CAMTA1: variants seen among roughly 807,000 people sequenced by gnomAD.
The protein encoded by CAMTA1 is calmodulin-binding transcription activator 1.
In CAMTA1, 27 loss-of-function variants were observed where a neutral mutation model predicts 170.9. The ratio of observed to expected loss-of-function variants is 0.16; its 90% CI spans 0.12 to 0.22. The LOEUF (loss-of-function observed/expected upper bound fraction) is 0.22. Among genes scored for constraint, CAMTA1 ranks in the 10% least tolerant of loss-of-function variants. CAMTA1 has a pLI of 1.00. For missense variants in CAMTA1, 1,619 were observed against 2,217.2 expected (o/e 0.73, Z 5.42); for synonymous variants, 833 against 891.5 (o/e 0.93, Z 1.17).
At chr1:6,869,700 G>A (rs6688732) in intron 3 of CAMTA1, among the ~76,000 whole-genome samples, 46,673 of 151,976 alleles carry the variant, frequency 0.31, 7,428 homozygotes, top group Admixed American at 0.4. Flanking sequence ...CTAAAATGTT[G>A]TTATTGGCAC....
chr1:7,438,880 C>T (rs2092431396), intron 5 of CAMTA1, among the ~76,000 whole-genome samples: 1 of 152,190 alleles, frequency 6.6e-6, no homozygotes, highest in Non-Finnish European at 1.5e-5. Flanking sequence ...TCTGTAAAAC[C>T]CAGTGTCCAC....
At chr1:7,101,390 T>C (rs1490863326) in intron 4 of CAMTA1, among the ~76,000 whole-genome samples, 1 of 152,222 alleles carries the variant, frequency 6.6e-6, no homozygotes, top group African/African-American at 2.4e-5. Context: ...TTGCAATTCA[T>C]AAGTTTCTGT....
intron 5 of CAMTA1, among the ~76,000 whole-genome samples, chr1:7,337,595 A>AGCCTCATCCAATCACAATGTGGGC (rs1301738490): frequency 8.1e-6 from 1 of 123,468 alleles, no homozygotes; most frequent in African/African-American, 3.6e-5. Context: ...CAGTGTGGGC[A>AGCCTCATCCAATCACAATGTGGGC]GTGGGCCTCA....
chr1:6,844,690 CAAAA>C (rs1180942073), intron 3 of CAMTA1, among the ~76,000 whole-genome samples: 2 of 52,060 alleles, frequency 3.8e-5, no homozygotes, highest in African/African-American at 8.2e-5. Context: ...ACCCTGTGTC[CAAAA>C]AAAAAAAAAA....
chr1:6,940,963 A>AC, intron 3 of CAMTA1, among the ~76,000 whole-genome samples: 2 of 390 alleles, frequency 5.1e-3, no homozygotes, highest in Admixed American at 0.026. Flanking sequence ...GGATCCTTGC[A>AC]AGGTGGGGGG....
intron 6 of CAMTA1, among the ~76,000 whole-genome samples, chr1:7,578,862 A>G (rs916636893): frequency 6.6e-6 from 1 of 152,164 alleles, no homozygotes; most frequent in Admixed American, 6.5e-5. Flanking sequence ...GTCACTTCCT[A>G]TTAAGTCCCC....
intron 11 of CAMTA1, among the ~76,000 whole-genome samples, chr1:7,728,107 T>G (rs1341218259): frequency 1.3e-5 from 2 of 152,266 alleles, no homozygotes; most frequent in Non-Finnish European, 2.9e-5. Flanking sequence ...TCAGAGCAGC[T>G]TAATATCATG....
chr1:7,619,288 A>T (rs1232936056), intron 6 of CAMTA1, among the ~76,000 whole-genome samples: 1 of 152,224 alleles, frequency 6.6e-6, no homozygotes, highest in African/African-American at 2.4e-5. Context: ...CTACGCGGAA[A>T]GCCAGAGAGA....
chr1:7,370,914 C>CT (rs61387662), intron 5 of CAMTA1, among the ~76,000 whole-genome samples: 2,026 of 109,934 alleles, frequency 0.018, 136 homozygotes, highest in African/African-American at 0.067. Flanking sequence ...TTCTTTCTTT[C>CT]TTTTTTTTTT....
At chr1:7,498,722 T>C (rs1216889657) in intron 6 of CAMTA1, among the ~76,000 whole-genome samples, 1 of 146,100 alleles carries the variant, frequency 6.8e-6, no homozygotes, top group Non-Finnish European at 1.5e-5. Context: ...TGGGTGTACA[T>C]GAGTGCATGT....
chr1:6,944,044 C>T (rs368721437), intron 3 of CAMTA1, among the ~76,000 whole-genome samples: 12 of 152,022 alleles, frequency 7.9e-5, no homozygotes, highest in African/African-American at 2.4e-4. Flanking sequence ...TCCCCCCAGC[C>T]GCTGGCACCC....
At chr1:7,077,867 T>G (rs547023573) in intron 3 of CAMTA1, among the ~76,000 whole-genome samples, 1 of 152,168 alleles carries the variant, frequency 6.6e-6, no homozygotes, top group African/African-American at 2.4e-5. Flanking sequence ...CTTTTCTGAC[T>G]TCTTTGAATG....
chr1:6,947,121 T>C (rs1056869716), intron 3 of CAMTA1, among the ~76,000 whole-genome samples: 4 of 152,218 alleles, frequency 2.6e-5, no homozygotes, highest in Non-Finnish European at 5.9e-5. Context: ...CAATTGGCCA[T>C]AAGTGTGAGG....
intron 5 of CAMTA1, among the ~76,000 whole-genome samples, chr1:7,271,580 A>ATAGG (rs2149404812): frequency 8.3e-6 from 1 of 119,782 alleles, no homozygotes; most frequent in Admixed American, 7.5e-5. Flanking sequence ...AGATAGATAG[A>ATAGG]TAGATAGATA....
chr1:7,040,077 G>C (rs1704191562), intron 3 of CAMTA1, among the ~76,000 whole-genome samples: 1 of 151,588 alleles, frequency 6.6e-6, no homozygotes, highest in South Asian at 2.1e-4. Context: ...TTTTACAATT[G>C]CAAAGTGGCG....
rs79085141 is a variant in CAMTA1 at position 7,491,969 on chromosome 1, A to G, written c.510+24068A>G. Among the ~76,000 whole-genome samples the G allele has an allele frequency of 7.9e-3, 1,206 of 152,270 alleles. 19 individuals are homozygous for G. Among genetic ancestry groups the G allele is most frequent in the African/African-American group, 0.027 (1,103 of 41,552 alleles). ...TGGCCAGCTCACCCTGGAAGTCTTG[A>G]TTGCCACATTGTGGATGTCAGAATG... is the stretch of plus-strand genomic sequence containing the variant. On this transcript the variant is annotated intron_variant, in intron 6 of 22. Coordinates refer to ENST00000303635, the MANE Select transcript of CAMTA1 (RefSeq NM_015215.4).
chr1:6,801,892 A>G (rs1643891079), intron 1 of CAMTA1, among the ~76,000 whole-genome samples: 1 of 152,042 alleles, frequency 6.6e-6, no homozygotes, highest in African/African-American at 2.4e-5. Flanking sequence ...AGATTTTAAT[A>G]TTTGCAATAT....
In CAMTA1 at chr1:7,748,966, A is replaced by G. The variant is rs138854737; in HGVS notation, c.4689+1185A>G. Reference sequence around the variant, plus strand: ...TTTACAATTATTTGAAGTAAGCAGTATTTATTTCCAGTTTACAGATGAAGA... The same window carrying G: ...TTTACAATTATTTGAAGTAAGCAGTGTTTATTTCCAGTTTACAGATGAAGA... On this transcript the variant is annotated intron_variant, in intron 19 of 22. Transcript: ENST00000303635. This position sits in a 1 kb window ranked among gnomAD's most constrained non-coding sequence, Gnocchi z 4.7. Among the ~76,000 whole-genome samples, 1 of 152,294 alleles carries G rather than the reference A, an allele frequency of 6.6e-6. No individual in the cohort carries two copies. The highest frequency in any genetic ancestry group is 1.5e-5 in the Non-Finnish European group (1 of 68,016).
chr1:7,375,276 C>T (rs576505490), intron 5 of CAMTA1, among the ~76,000 whole-genome samples: 20 of 152,174 alleles, frequency 1.3e-4, no homozygotes, highest in African/African-American at 4.1e-4. Flanking sequence ...TTAGAGAGGA[C>T]GCCAGTGCAT....
Sources: gnomAD v4.1 joint callset for allele counts (sites outside exome capture counted in the v4.1 genomes callset) on GRCh38, gnomAD v4.1.1 for gene constraint, Gnocchi (gnomAD v3.1) non-coding constraint, MANE v1.5 for transcripts, NCBI Gene and HGNC (gene_info 2026-07-23, HGNC 2026-07-21) for gene names.